CCDC178: variants seen among roughly 807,000 people sequenced by gnomAD.
The protein encoded by CCDC178 is coiled-coil domain-containing protein 178.
Under a neutral mutation model 117.4 loss-of-function variants are expected in CCDC178, and 126 were observed. That is an observed-to-expected ratio of 1.07 (90% confidence interval 0.93 to 1.24). The LOEUF (loss-of-function observed/expected upper bound fraction) is 1.24. Among genes scored for constraint, CCDC178 ranks in the 50% most tolerant of loss-of-function variants. The pLI, the probability that CCDC178 is intolerant of heterozygous loss-of-function variation, is 0.00. For missense variants in CCDC178, 1,030 were observed against 986.9 expected (o/e 1.04, Z -0.59); for synonymous variants, 283 against 313.4 (o/e 0.90, Z 1.02).
chr18:33,329,965 T>C (rs1379539308), intron 10 of CCDC178, among the ~76,000 whole-genome samples: 3 of 150,726 alleles, frequency 2.0e-5, no homozygotes, highest in Non-Finnish European at 4.4e-5. Context: ...TTTTTTTTTT[T>C]TTTTGGTGGA....
At chr18:33,415,868 A>T (rs2144914117) in intron 2 of CCDC178, among the ~76,000 whole-genome samples, 1 of 152,302 alleles carries the variant, frequency 6.6e-6, no homozygotes, top group South Asian at 2.1e-4. Flanking sequence ...GAAGACTGAA[A>T]GGTGTAGAGA....
At chr18:33,056,619 C>G (rs1209301272) in intron 21 of CCDC178, among the ~76,000 whole-genome samples, 1 of 152,016 alleles carries the variant, frequency 6.6e-6, no homozygotes, top group Non-Finnish European at 1.5e-5. Flanking sequence ...GAGTTTTATC[C>G]ATGAAGAAAC....
chr18:33,204,114 G>T (rs2059022004), intron 20 of CCDC178, among the ~76,000 whole-genome samples: 1 of 152,022 alleles, frequency 6.6e-6, no homozygotes, highest in African/African-American at 2.4e-5. Flanking sequence ...TATAGTCCAG[G>T]AATAGTGGTA....
chr18:33,031,165 C>T lies in CCDC178; in HGVS notation c.2389-56484G>A, dbSNP rs576577675. Among the ~76,000 whole-genome samples, 98 of 151,474 alleles carry T rather than the reference C, an allele frequency of 6.5e-4. 2 individuals carry two copies. The South Asian group carries it at 0.019, about 30-fold the overall frequency. ...TTGTTCCTCTAGTTCTTTACTGCTT[C>T]CTTTTACTTAAGTGAATATTTTCGA... On this transcript the variant is annotated intron_variant, in intron 21 of 22. Transcript: ENST00000383096.
chr18:33,230,334 C>T (rs547116782), intron 15 of CCDC178, among the ~76,000 whole-genome samples: 29 of 151,410 alleles, frequency 1.9e-4, no homozygotes, highest in Non-Finnish European at 4.1e-4. Context: ...ATGATAAAAC[C>T]GAGGTCTAAG....
At chr18:33,247,253 G>A (rs2144696793) in intron 14 of CCDC178, among the ~76,000 whole-genome samples, 1 of 151,704 alleles carries the variant, frequency 6.6e-6, no homozygotes, top group South Asian at 2.1e-4. Context: ...AGCACTTTAG[G>A]TGATACTGAT....
intron 10 of CCDC178, among the ~76,000 whole-genome samples, chr18:33,325,741 G>T (rs187430394): frequency 6.6e-6 from 1 of 152,210 alleles, no homozygotes; most frequent in Admixed American, 6.5e-5. Flanking sequence ...AGGTATTTTT[G>T]AGAGTATAAT....
rs1021154653 is a variant in CCDC178, at chr18:33,103,551, A to G, written c.2239-10641T>C. Among the ~76,000 whole-genome samples, 6 of 151,638 alleles carry G rather than the reference A, an allele frequency of 4.0e-5. No homozygotes were observed. In the East Asian group the frequency reaches 1.2e-3, roughly 30 times the overall value. ...CCATAGTAAGGTGACACAGCCAATC[A>G]ACAGTCACTTCAAAATTATCTCGAA... is the stretch of plus-strand genomic sequence containing the variant. On this transcript the variant is annotated intron_variant, in intron 20 of 22. Transcript: ENST00000383096.
chr18:32,991,650 C>G (rs2055396098), intron 21 of CCDC178, among the ~76,000 whole-genome samples: 1 of 152,146 alleles, frequency 6.6e-6, no homozygotes, highest in Non-Finnish European at 1.5e-5. Flanking sequence ...TACAGTTGCA[C>G]CAGCCCCTCA....
intron 10 of CCDC178, among the ~76,000 whole-genome samples, chr18:33,332,619 AG>A (rs1165079588): frequency 3.3e-5 from 5 of 152,052 alleles, no homozygotes; most frequent in Admixed American, 1.3e-4. Flanking sequence ...TCTGTCATCC[AG>A]GCTGGATTGC....
chr18:33,192,464 T>C (rs1252502599), intron 20 of CCDC178, among the ~76,000 whole-genome samples: 1 of 152,190 alleles, frequency 6.6e-6, no homozygotes, highest in African/African-American at 2.4e-5. Flanking sequence ...GATGTGGACA[T>C]TAATAATTCC....
intron 20 of CCDC178, among the ~76,000 whole-genome samples, chr18:33,144,644 T>A (rs2058248573): frequency 6.6e-6 from 1 of 152,160 alleles, no homozygotes; most frequent in Non-Finnish European, 1.5e-5. Flanking sequence ...CTACTTTCAA[T>A]TATGTTGCCA....
intron 21 of CCDC178, among the ~76,000 whole-genome samples, chr18:33,013,532 A>G (rs555566530): frequency 3.7e-4 from 56 of 152,312 alleles, no homozygotes; most frequent in African/African-American, 1.3e-3. Context: ...TGGCACATAT[A>G]ATTTTATGAC....
intron 20 of CCDC178, among the ~76,000 whole-genome samples, chr18:33,156,935 A>G (rs2058406994): frequency 6.6e-6 from 1 of 152,216 alleles, no homozygotes; most frequent in Non-Finnish European, 1.5e-5. Flanking sequence ...TATTGTTACC[A>G]TTTTATCTCT....
At chr18:33,148,468 G>A (rs1303207433) in intron 20 of CCDC178, among the ~76,000 whole-genome samples, 1 of 151,238 alleles carries the variant, frequency 6.6e-6, no homozygotes, top group Non-Finnish European at 1.5e-5. Context: ...GGAGACCGTG[G>A]GGAGAGGGGG....
intron 21 of CCDC178, among the ~76,000 whole-genome samples, chr18:33,065,855 C>T (rs1000677829): frequency 6.9e-6 from 1 of 145,862 alleles, no homozygotes; most frequent in Non-Finnish European, 1.5e-5. Context: ...TAGCAAAGTT[C>T]TTTTTCTTTT....
At chr18:33,278,369 C>T (rs1263809968) in intron 12 of CCDC178, among the ~76,000 whole-genome samples, 2 of 150,262 alleles carry the variant, frequency 1.3e-5, no homozygotes, top group African/African-American at 4.9e-5. Flanking sequence ...ATAATCACTT[C>T]TCTATTTTTG....
rs2144859715 is a variant in CCDC178 at position 33,030,915 on chromosome 18, C to T, written c.2389-56234G>A. On this transcript the variant is annotated intron_variant, in intron 21 of 22. Transcript: ENST00000383096. ...GGACTCTAGGAAGCTGGTAGCATGG[C>T]TCAGTCCAAGCCTGAAGGCCTCAGA... Among the ~76,000 whole-genome samples the T allele has an allele frequency of 1.3e-5, 2 of 152,200 alleles. 1 individual carries two copies. The highest frequency in any genetic ancestry group is 4.1e-4 in the South Asian group (2 of 4,832).
Position 33,218,671 on chromosome 18 carries a change from G to C in CCDC178, c.1933-2976C>G, listed in dbSNP as rs1242128775. Among the ~76,000 whole-genome samples the C allele has an allele frequency of 2.6e-5, 4 of 152,168 alleles. No individual in the cohort carries two copies. In the East Asian group the frequency reaches 7.8e-4, roughly 30 times the overall value. Reference sequence around the variant, plus strand: ...ATCCAGTTTCAGCTTTCTACCTATGGCTAGCCAGTTTTCCCAGTACCATTT... The same window carrying C: ...ATCCAGTTTCAGCTTTCTACCTATGCCTAGCCAGTTTTCCCAGTACCATTT... On this transcript the variant is annotated intron_variant, in intron 18 of 22. Coordinates refer to ENST00000383096, the MANE Select transcript of CCDC178 (RefSeq NM_001105528.4).
Sources: gnomAD v4.1 joint callset for allele counts (sites outside exome capture counted in the v4.1 genomes callset) on GRCh38, gnomAD v4.1.1 for gene constraint, MANE v1.5 for transcripts, NCBI Gene and HGNC (gene_info 2026-07-23, HGNC 2026-07-21) for gene names.